COMMD10: variants seen among roughly 807,000 people sequenced by gnomAD.
The protein encoded by COMMD10 is COMM domain containing 10.
COMMD10 carries 33 observed loss-of-function variants against 28.9 expected under a neutral mutation model. That is an observed-to-expected ratio of 1.14 (90% CI 0.87 to 1.53). The LOEUF (loss-of-function observed/expected upper bound fraction) is 1.53, where lower values mean the gene tolerates loss of function less well. Ranked by LOEUF, COMMD10 falls within the 40% of genes most tolerant of loss-of-function variation. The pLI is 0.00. For missense variants in COMMD10, 310 were observed against 233.4 expected (o/e 1.33, Z -2.14); for synonymous variants, 110 against 81.7 (o/e 1.35, Z -1.87).
chr5:116,101,382 C>G (rs536978641), intron 4 of COMMD10, among the ~76,000 whole-genome samples: 1 of 151,826 alleles, frequency 6.6e-6, no homozygotes, highest in Non-Finnish European at 1.5e-5. Context: ...TCTCCACATC[C>G]TTGTTAACAT....
chr5:116,259,049 G>T (rs980237639), intron 5 of COMMD10, among the ~76,000 whole-genome samples: 1 of 148,464 alleles, frequency 6.7e-6, no homozygotes, highest in Non-Finnish European at 1.5e-5. Context: ...TTTATCTTTA[G>T]CTACGTCCTT....
chr5:116,204,643 A>C (rs1226461544), intron 5 of COMMD10, among the ~76,000 whole-genome samples: 2 of 152,178 alleles, frequency 1.3e-5, no homozygotes, highest in African/African-American at 2.4e-5. Context: ...AATCAATAAT[A>C]AGATGCAAAT....
chr5:116,180,923 C>T (rs972313820), intron 5 of COMMD10, among the ~76,000 whole-genome samples: 16 of 152,108 alleles, frequency 1.1e-4, no homozygotes, highest in African/African-American at 3.6e-4. Flanking sequence ...GAGGCTGAGG[C>T]GGGCAGATTG....
At chr5:116,085,281 A>G (rs148339935) in intron 1 of COMMD10, 188 bp downstream of exon 1, 179 of 571,794 alleles carry the variant, frequency 3.1e-4, no homozygotes, top group Middle Eastern at 4.7e-4. Flanking sequence ...TAGCGCCTCT[A>G]CAGTCACGGT....
intron 5 of COMMD10, among the ~76,000 whole-genome samples, chr5:116,152,666 A>G (rs1299867018): frequency 6.6e-6 from 1 of 151,742 alleles, no homozygotes; most frequent in African/African-American, 2.4e-5. Flanking sequence ...ATATGCTGCT[A>G]GTTACAGCAT....
intron 4 of COMMD10, among the ~76,000 whole-genome samples, chr5:116,096,254 T>C (rs903024096): frequency 1.1e-4 from 16 of 152,112 alleles, no homozygotes; most frequent in African/African-American, 3.6e-4. Context: ...TTCTTTGATT[T>C]CTTTTATCAG....
intron 4 of COMMD10, 125 bp from the exon 5 acceptor site, chr5:116,133,943 T>TG (rs1284216211): frequency 3.9e-5 from 24 of 609,624 alleles, no homozygotes; most frequent in African/African-American, 3.5e-4. Flanking sequence ...AAAAGAGCCC[T>TG]GGAACTGACT....
At chr5:116,153,573 ATTGTTCTGTGGGCTTTTATGTTTTT>A (rs1162077493) in intron 5 of COMMD10, among the ~76,000 whole-genome samples, 1 of 152,100 alleles carries the variant, frequency 6.6e-6, no homozygotes, top group Non-Finnish European at 1.5e-5. Flanking sequence ...TGTGCCAGGT[ATTGTTCTGTGGGCTTTTATGTTTTT>A]TTCTCATTGG....
At chr5:116,087,678 G>A in intron 2 of COMMD10, 91 bp downstream of exon 2, 2 of 836,966 alleles carry the variant, frequency 2.4e-6, no homozygotes, top group South Asian at 1.4e-5. Context: ...AAAGCATAGT[G>A]TTCTCCAATA....
In COMMD10 at chr5:116,091,075, A is replaced by T. The variant is rs1282474663; in HGVS notation, c.133-4A>T. On this transcript the variant is annotated splice_region_variant and splice_polypyrimidine_tract_variant and intron_variant, in intron 2 of 6. Coordinates refer to ENST00000274458, the MANE Select transcript of COMMD10 (RefSeq NM_016144.4). ...AATATAATAGATTGCTATTTGTATT[A>T]TAGGCTGAGAGCAGTTTCAGTGAAG... 48 of 1,584,498 alleles carry T rather than the reference A, an allele frequency of 3.0e-5. No homozygotes were observed. Among genetic ancestry groups the T allele is most frequent in the Non-Finnish European group, 4.1e-5 (47 of 1,158,306 alleles).
intron 5 of COMMD10, among the ~76,000 whole-genome samples, chr5:116,239,016 A>G (rs183056328): frequency 6.6e-6 from 1 of 151,870 alleles, no homozygotes; most frequent in African/African-American, 2.4e-5. Flanking sequence ...CAACAAGTTG[A>G]TTTTTTTTTA....
At chr5:116,092,495 T>C (rs769156596) in intron 3 of COMMD10, 50 bp from the exon 4 acceptor site, 2 of 1,344,052 alleles carry the variant, frequency 1.5e-6, no homozygotes, top group Non-Finnish European at 2.0e-6. Flanking sequence ...AGTTTAAAGT[T>C]TCAGTATGAA....
chr5:116,284,191 C>G (rs972363272), intron 5 of COMMD10, among the ~76,000 whole-genome samples: 1 of 151,762 alleles, frequency 6.6e-6, no homozygotes, highest in African/African-American at 2.4e-5. Flanking sequence ...ATCTTTTAAC[C>G]TAAAATCCAA....
intron 6 of COMMD10, among the ~76,000 whole-genome samples, chr5:116,292,108 C>G (rs1348128623): frequency 6.6e-6 from 1 of 151,540 alleles, no homozygotes; most frequent in East Asian, 1.9e-4. Context: ...ACTGTACCCA[C>G]TCCCTCATAT....
At chr5:116,121,468 A>G (rs1419237799) in intron 4 of COMMD10, among the ~76,000 whole-genome samples, 4 of 152,228 alleles carry the variant, frequency 2.6e-5, no homozygotes, top group Non-Finnish European at 4.4e-5. Flanking sequence ...TTATAGTAGC[A>G]TGATTTATAA....
At chr5:116,214,405 A>G (rs1749046556) in intron 5 of COMMD10, among the ~76,000 whole-genome samples, 1 of 152,134 alleles carries the variant, frequency 6.6e-6, no homozygotes, top group Non-Finnish European at 1.5e-5. Flanking sequence ...TCTGTCACCA[A>G]AGAAAGAAGC....
intron 5 of COMMD10, among the ~76,000 whole-genome samples, chr5:116,257,907 G>A (rs1235755510): frequency 6.6e-6 from 1 of 151,576 alleles, no homozygotes; most frequent in East Asian, 1.9e-4. Flanking sequence ...TAAGCTTTTT[G>A]AATCACAGTT....
At chr5:116,104,824 T>C (rs1750786044) in intron 4 of COMMD10, among the ~76,000 whole-genome samples, 1 of 152,198 alleles carries the variant, frequency 6.6e-6, no homozygotes, top group Admixed American at 6.5e-5. Context: ...TTTCACTGTC[T>C]TAGCCAGGAT....
intron 5 of COMMD10, among the ~76,000 whole-genome samples, chr5:116,196,411 A>G (rs1334058074): frequency 1.3e-5 from 2 of 152,040 alleles, no homozygotes; most frequent in East Asian, 3.9e-4. Context: ...TGCTTGGGTG[A>G]TGGGTGCACC....
Sources: gnomAD v4.1 joint callset for allele counts (sites outside exome capture counted in the v4.1 genomes callset) on GRCh38, gnomAD v4.1.1 for gene constraint, MANE v1.5 for transcripts, NCBI Gene and HGNC (gene_info 2026-07-23, HGNC 2026-07-21) for gene names.